TACC2: variants seen among roughly 807,000 people sequenced by gnomAD.
TACC2 encodes transforming acidic coiled-coil-containing protein 2.
In TACC2, 137 loss-of-function variants were observed where a neutral mutation model predicts 227.3. The observed-to-expected ratio is 0.60, with a 90% confidence interval of 0.52 to 0.69. The LOEUF (loss-of-function observed/expected upper bound fraction) is 0.69, where lower values mean the gene tolerates loss of function less well. Ranked by LOEUF, TACC2 falls within the 30% of genes least tolerant of loss-of-function variation. TACC2 has a pLI of 0.00. For synonymous variants in TACC2, 1,523 were observed against 1,487.5 expected (o/e 1.02, Z -0.55); for missense variants, 3,470 against 3,694.4 (o/e 0.94, Z 1.57).
chr10:122,248,835 A>G (rs1247224918), intron 20 of TACC2, 32 bp downstream of exon 20: 1 of 1,613,322 alleles, frequency 6.2e-7, no homozygotes, highest in Admixed American at 1.7e-5. Context: ...ACGGAGGAGG[A>G]GGATCTGATT....
At chr10:122,138,341 C>T (rs888194597) in intron 6 of TACC2, among the ~76,000 whole-genome samples, 14 of 152,102 alleles carry the variant, frequency 9.2e-5, no homozygotes, top group Non-Finnish European at 2.9e-5. Context: ...AATCTTGTCT[C>T]TACTAAATAT....
intron 7 of TACC2, among the ~76,000 whole-genome samples, chr10:122,189,880 C>T (rs1364515721): frequency 2.6e-5 from 4 of 152,128 alleles, no homozygotes; most frequent in African/African-American, 7.2e-5. Flanking sequence ...TTACCTTGGG[C>T]GAGCCACTTT....
At chr10:122,177,040 A>G (rs1052868119) in intron 7 of TACC2, among the ~76,000 whole-genome samples, 1 of 152,176 alleles carries the variant, frequency 6.6e-6, no homozygotes, top group African/African-American at 2.4e-5. Context: ...GAGCAGCCCC[A>G]GTCCTGATAG....
rs373274782 is a variant in TACC2 at position 122,249,678 on chromosome 10, G to A, written c.8781+14G>A. ...CTGGAGCAGAAGGTAATAGGGGAGG[G>A]GTGTGGCCTCCAGGTGGGCCGGGCT... On this transcript the variant is annotated intron_variant, in intron 22 of 22. Transcript: ENST00000369005. 2.5e-6 allele frequency: 4 copies of A among 1,606,324 alleles called. No individual in the cohort carries two copies. The Admixed American group carries it at 6.7e-5, about 27-fold the overall frequency.
Position 122,083,148 on chromosome 10 carries a change from G to T in TACC2, c.648G>T (p.Glu216Asp). The change falls in exon 4 of 23, where the codon GAG becomes GAT. Residue 216 changes from glutamate to aspartate, a missense_variant. By Grantham distance (45) the Glu-to-Asp change is conservative (BLOSUM62 2). This residue lies in a region of TACC2 where 405 missense variants were observed against 389.6 expected (regional missense o/e 1.04). Coordinates refer to ENST00000369005, the MANE Select transcript of TACC2 (RefSeq NM_206862.4). ...REPMKAPLCG[E>D]GDQPGGFESQ... is the part of the protein sequence containing the mutation. ...CAATGAAGGCACCGCTGTGTGGAGA[G>T]GGGGACCAGCCTGGTGGTTTTGAGT... 6.2e-7 allele frequency: 1 copy of T among 1,613,228 alleles called. No individual in the cohort carries two copies. The highest frequency in any genetic ancestry group is 8.5e-7 in the Non-Finnish European group (1 of 1,180,028).
intron 1 of TACC2, among the ~76,000 whole-genome samples, chr10:121,998,248 G>A (rs1953807500): frequency 6.6e-6 from 1 of 150,578 alleles, no homozygotes; most frequent in Non-Finnish European, 1.5e-5. Flanking sequence ...GGAGGTGGAG[G>A]TTGCAGTGAG....
At chr10:122,170,665 A>T (rs1052491398) in intron 7 of TACC2, among the ~76,000 whole-genome samples, 2 of 152,062 alleles carry the variant, frequency 1.3e-5, no homozygotes, top group Non-Finnish European at 2.9e-5. Context: ...GGTCCATGTC[A>T]TTGGACTTCC....
At chr10:122,211,804 A>G in intron 9 of TACC2, 96 bp downstream of exon 9, 1 of 1,104,096 alleles carries the variant, frequency 9.1e-7, no homozygotes, top group East Asian at 2.6e-5. Context: ...GACTGCCCTA[A>G]CCTTGCCCCT....
rs748058471 is a variant in TACC2, at chr10:122,211,124, G to A, written c.6699G>A (p.Thr2233=). 4.3e-6 allele frequency: 7 copies of A among 1,609,538 alleles called. No individual in the cohort carries two copies. The highest frequency in any genetic ancestry group is 1.3e-5 in the African/African-American group (1 of 74,698). The change falls in exon 9 of 23, where the codon ACG becomes ACA. Residue 2233 remains threonine (T), a synonymous_variant. Transcript: ENST00000369005. The part of the protein sequence containing the change: ...VQNSPPVGRK[T]LPLTTAPEAG... ...ACTCACCCCCTGTCGGGAGGAAAAC[G>A]CTGCCTCTTACCACGGCCCCGGAGG...
chr10:122,215,576 G>A, intron 10 of TACC2, 125 bp downstream of exon 10: 1 of 797,648 alleles, frequency 1.3e-6, no homozygotes, highest in South Asian at 1.4e-5. Context: ...CTTGCATTCT[G>A]TGTGGAGGGT....
chr10:122,036,294 G>A (rs1193502491), intron 2 of TACC2, among the ~76,000 whole-genome samples: 4 of 149,024 alleles, frequency 2.7e-5, no homozygotes, highest in East Asian at 2.0e-4. Flanking sequence ...CTGGATTCAC[G>A]CCATTCTCCT....
chr10:122,029,644 TG>T (rs1481784567), intron 2 of TACC2, among the ~76,000 whole-genome samples: 1 of 152,158 alleles, frequency 6.6e-6, no homozygotes, highest in Non-Finnish European at 1.5e-5. Context: ...GCCTGCTGGC[TG>T]GGGTTGGCTT....
At chr10:122,041,804 G>A (rs1042999758) in intron 2 of TACC2, among the ~76,000 whole-genome samples, 2 of 152,370 alleles carry the variant, frequency 1.3e-5, no homozygotes, top group Admixed American at 1.3e-4. Context: ...CTGCTGTGGG[G>A]TTCCCCCAGC....
At chr10:122,125,987 C>T (rs1246109466) in intron 5 of TACC2, among the ~76,000 whole-genome samples, 1 of 151,962 alleles carries the variant, frequency 6.6e-6, no homozygotes, top group East Asian at 1.9e-4. Flanking sequence ...CCATGTTGGC[C>T]AGGATGATCT....
At chr10:122,226,566 A>T in intron 13 of TACC2, 85 bp downstream of exon 13, 1 of 938,698 alleles carries the variant, frequency 1.1e-6, no homozygotes, top group Non-Finnish European at 1.7e-6. Flanking sequence ...TTTTGACTTC[A>T]TTTCAGTGCA....
intron 8 of TACC2, among the ~76,000 whole-genome samples, chr10:122,207,813 C>T (rs892401426): frequency 1.3e-5 from 2 of 152,212 alleles, no homozygotes; most frequent in African/African-American, 4.8e-5. Context: ...CGAAGGCTTC[C>T]TTCTGCAGGC....
At chr10:122,088,435 C>T in intron 4 of TACC2, 43 bp from the exon 5 acceptor site, 1 of 1,530,144 alleles carries the variant, frequency 6.5e-7, no homozygotes, top group Non-Finnish European at 8.8e-7. Flanking sequence ...AAATGCCTTA[C>T]TATCTACATT....
At chr10:122,131,012 C>T (rs1176410235) in intron 5 of TACC2, among the ~76,000 whole-genome samples, 1 of 151,468 alleles carries the variant, frequency 6.6e-6, no homozygotes, top group African/African-American at 2.4e-5. Flanking sequence ...AATAAATAAA[C>T]ATTTAAAAAA....
intron 2 of TACC2, among the ~76,000 whole-genome samples, chr10:122,032,104 C>G (rs1386075008): frequency 6.6e-6 from 1 of 152,166 alleles, no homozygotes; most frequent in Non-Finnish European, 1.5e-5. Context: ...ATATGGGACA[C>G]TCTGATAGCC....
Sources: allele counts gnomAD v4.1 joint callset (sites outside exome capture counted in the v4.1 genomes callset), GRCh38; gene constraint gnomAD v4.1.1; regional missense constraint gnomAD v4.1.1; transcripts MANE v1.5; gene names NCBI Gene and HGNC (gene_info 2026-07-23, HGNC 2026-07-21).